ENTPD5: variants seen among roughly 807,000 people sequenced by gnomAD.
The protein encoded by ENTPD5 is ectonucleoside triphosphate diphosphohydrolase 5 (inactive).
A neutral mutation model predicts 60.2 loss-of-function variants in ENTPD5; 49 were observed. The observed-to-expected ratio is 0.81, with a 90% CI of 0.65 to 1.03. The LOEUF (loss-of-function observed/expected upper bound fraction) is 1.03, where lower values mean the gene tolerates loss of function less well. ENTPD5 is among the 50% of genes least tolerant of loss of function. The pLI is 0.00. For missense variants in ENTPD5, 480 were observed against 507.6 expected (o/e 0.95, Z 0.52); for synonymous variants, 187 against 185.4 (o/e 1.01, Z -0.07).
At chr14:74,001,612 G>A (rs2058509933) in intron 3 of ENTPD5, among the ~76,000 whole-genome samples, 1 of 146,696 alleles carries the variant, frequency 6.8e-6, no homozygotes, top group African/African-American at 2.5e-5. Context: ...AGGTTGCAGT[G>A]AGCCGAGATC....
intron 14 of ENTPD5, 52 bp from the exon 15 acceptor site, chr14:73,970,177 G>A (rs755090912): frequency 5.3e-6 from 7 of 1,331,008 alleles, no homozygotes; most frequent in South Asian, 4.7e-5. Flanking sequence ...ACTGAGAGGT[G>A]TAGGATTTTC....
At chr14:73,999,611 T>C (rs1443619015) in intron 3 of ENTPD5, among the ~76,000 whole-genome samples, 2 of 150,780 alleles carry the variant, frequency 1.3e-5, no homozygotes, top group African/African-American at 4.9e-5. Flanking sequence ...CTGACCAACA[T>C]GGTAAAACCG....
intron 15 of ENTPD5, among the ~76,000 whole-genome samples, chr14:73,967,853 G>A (rs2057052478): frequency 6.7e-6 from 1 of 149,286 alleles, no homozygotes; most frequent in Admixed American, 6.7e-5. Flanking sequence ...GGCCAGGAGT[G>A]GTGGCTCATG....
In ENTPD5 at chr14:73,971,885, T is replaced by A; in HGVS notation, c.1051A>T (p.Lys351Ter). The change falls in exon 14 of 16, where the codon AAA (lysine) becomes TAA (stop). Residue 351 changes from lysine to a stop codon, truncating the protein, a stop_gained. Transcript: ENST00000334696. LOFTEE classifies it high-confidence loss of function. Reference protein sequence around the residue: ...MIDYEKGGILKVEDFERKARE... With the variant: ...MIDYEKGGIL ...GCTTTTCTTTCAAAATCTTCAACTT[T>A]TAAAATACCCCCCTTTTCATAATCT... 6.2e-7 allele frequency: 1 copy of A among 1,604,182 alleles called. No individual in the cohort carries two copies. Among genetic ancestry groups the A allele is most frequent in the Non-Finnish European group, 8.5e-7 (1 of 1,170,922 alleles).
At chr14:73,971,162 G>GT (rs113156308) in intron 14 of ENTPD5, among the ~76,000 whole-genome samples, 4,207 of 144,420 alleles carry the variant, frequency 0.029, 81 homozygotes, top group Middle Eastern at 0.081. Flanking sequence ...AAGCCTCTTT[G>GT]TTTTTTTTTT....
intron 3 of ENTPD5, among the ~76,000 whole-genome samples, chr14:73,992,823 C>T (rs1448122008): frequency 6.6e-6 from 1 of 151,310 alleles, no homozygotes; most frequent in African/African-American, 2.4e-5. Context: ...GGTAACAAGG[C>T]GAAACCCCGT....
downstream of ENTPD5, chr14:73,960,034 A>G: frequency 9.9e-7 from 1 of 1,010,700 alleles, no homozygotes; most frequent in Non-Finnish European, 1.2e-6. Context: ...GGCTGCTGTT[A>G]GGCTGACTGA....
chr14:74,014,817 A>G (rs2140882904), intron 2 of ENTPD5, among the ~76,000 whole-genome samples: 1 of 152,214 alleles, frequency 6.6e-6, no homozygotes, highest in East Asian at 1.9e-4. Context: ...TGGTGGCTCA[A>G]GCCTGTAATC....
chr14:73,986,037 A>T (rs1594892691), intron 5 of ENTPD5, among the ~76,000 whole-genome samples: 1 of 149,002 alleles, frequency 6.7e-6, no homozygotes, highest in African/African-American at 2.5e-5. Flanking sequence ...AGGCCACTGC[A>T]CTCCAGCCTG....
intron 3 of ENTPD5, among the ~76,000 whole-genome samples, chr14:74,006,915 G>C (rs1594950094): frequency 6.6e-6 from 1 of 152,094 alleles, no homozygotes; most frequent in East Asian, 1.9e-4. Context: ...AGTTAAGAAA[G>C]AGTAGGAAGA....
intron 6 of ENTPD5, among the ~76,000 whole-genome samples, chr14:73,982,672 C>T (rs545445037): frequency 1.3e-5 from 2 of 152,180 alleles, no homozygotes; most frequent in Admixed American, 1.3e-4. Context: ...AGGAGAATGG[C>T]ATTAACCTGG....
chr14:73,975,133 A>C (rs1403892798), intron 10 of ENTPD5, 148 bp from the exon 11 acceptor site: 2 of 653,994 alleles, frequency 3.1e-6, no homozygotes, highest in Non-Finnish European at 5.4e-6. Context: ...CCTGTGGTCA[A>C]CAAGGGGTAA....
chr14:73,960,770 G>A, downstream of ENTPD5: 1 of 416,300 alleles, frequency 2.4e-6, no homozygotes, highest in Non-Finnish European at 4.1e-6. Context: ...AGAAAGACTG[G>A]AGGAGTTAAA....
At chr14:74,011,958 T>C (rs115567354) in intron 2 of ENTPD5, among the ~76,000 whole-genome samples, 2,451 of 152,188 alleles carry the variant, frequency 0.016, 58 homozygotes, top group African/African-American at 0.056. Flanking sequence ...TATTTTCTAT[T>C]CCCTCAGGAA....
At chr14:73,973,310 T>C (rs2140495952) in intron 12 of ENTPD5, among the ~76,000 whole-genome samples, 1 of 152,362 alleles carries the variant, frequency 6.6e-6, no homozygotes, top group East Asian at 1.9e-4. Context: ...TGTAAGCAAG[T>C]AGCTAAAGGG....
At chr14:73,996,075 C>A (rs2058332768) in intron 3 of ENTPD5, 1 of 908,006 alleles carries the variant, frequency 1.1e-6, no homozygotes, top group African/African-American at 1.8e-5. Context: ...AGACCACAAT[C>A]CCAGAGGACC....
chr14:73,975,403 C>CTTT (rs56885977), intron 10 of ENTPD5, among the ~76,000 whole-genome samples: 1 of 115,578 alleles, frequency 8.7e-6, no homozygotes, highest in Non-Finnish European at 1.7e-5. Context: ...GCTTTTGATT[C>CTTT]TTTTTTTTTT....
chr14:73,991,293 G>A (rs776188317), intron 3 of ENTPD5, among the ~76,000 whole-genome samples: 2 of 151,958 alleles, frequency 1.3e-5, no homozygotes, highest in South Asian at 4.2e-4. Context: ...TCTTAGCACT[G>A]TTTACATTTA....
chr14:74,009,820 C>T (rs1158263427), intron 3 of ENTPD5, among the ~76,000 whole-genome samples: 2 of 151,954 alleles, frequency 1.3e-5, no homozygotes, highest in Non-Finnish European at 2.9e-5. Flanking sequence ...CGGAGTCTCG[C>T]TCTGTCGCTC....
Sources: allele counts gnomAD v4.1 joint callset (sites outside exome capture counted in the v4.1 genomes callset), GRCh38; gene constraint gnomAD v4.1.1; transcripts MANE v1.5; gene names NCBI Gene and HGNC (gene_info 2026-07-23, HGNC 2026-07-21).